Variants in SYNJ1 observed in about 807,000 individuals in gnomAD.
SYNJ1 encodes polyphosphatidylinositol phosphatase SYNJ1.
Under a neutral mutation model 168.2 loss-of-function variants are expected in SYNJ1, and 78 were observed. The ratio of observed to expected loss-of-function variants is 0.46; its 90% CI spans 0.39 to 0.56. The LOEUF (loss-of-function observed/expected upper bound fraction) is 0.56. Among genes scored for constraint, SYNJ1 ranks in the 20% least tolerant of loss-of-function variants. SYNJ1 has a pLI of 0.00. For synonymous variants in SYNJ1, 539 were observed against 548.6 expected, an observed-to-expected ratio of 0.98 and a Z score of 0.24; for missense variants, 1,303 against 1,597.6, an observed-to-expected ratio of 0.82 and a Z score of 3.14.
chr21:32,664,170 C>T (rs2040829102), intron 18 of SYNJ1, among the ~76,000 whole-genome samples: 4 of 152,234 alleles, frequency 2.6e-5, no homozygotes, highest in African/African-American at 9.6e-5. Context: ...AGCTTCATCA[C>T]TACCTTAGCT....
Position 32,634,870 on chromosome 21 carries a change from T to C in SYNJ1, c.3930A>G (p.Ser1310=), listed in dbSNP as rs1176812334. The change falls in exon 32 of 33, where the codon TCA becomes TCG. Residue 1310 remains serine (S), a synonymous_variant. Coordinates refer to ENST00000674351, the MANE Select transcript of SYNJ1 (RefSeq NM_203446.3). ...ATAAATTGTCAGATACCTGTTACCC[T>C]GATGGTTGCTCCTGCTTTGAGAAAG... ...ASSQPQQEQP[S]G 6.2e-7 allele frequency: 1 copy of C among 1,613,862 alleles called. No homozygotes were observed. Among genetic ancestry groups the C allele is most frequent in the Admixed American group, 1.7e-5 (1 of 60,024 alleles).
At position 32,699,868 on chromosome 21, in the gene SYNJ1, T is replaced by C; in HGVS notation, c.449A>G (p.Gln150Arg). 1 of 1,613,766 alleles carries C rather than the reference T, an allele frequency of 6.2e-7. No individual in the cohort carries two copies. Among genetic ancestry groups the C allele is most frequent in the Non-Finnish European group, 8.5e-7 (1 of 1,179,898 alleles). Residue 150 changes from glutamine to arginine, a missense_variant, in exon 4 of 33, where the codon CAA becomes CGA. Coordinates refer to ENST00000674351, the MANE Select transcript of SYNJ1 (RefSeq NM_203446.3). ...DLSLNAHRSMQEQTTDNRFFW... is the reference protein window; with the variant it reads ...DLSLNAHRSMREQTTDNRFFW... ...AAATCTATTATCAGTTGTCTGTTCTTGCATGCTACGATGCGCATTAAGACT... is the reference window on the plus strand; with the variant it reads ...AAATCTATTATCAGTTGTCTGTTCTCGCATGCTACGATGCGCATTAAGACT...
At chr21:32,647,810 T>C (rs1315745540) in intron 23 of SYNJ1, among the ~76,000 whole-genome samples, 1 of 152,216 alleles carries the variant, frequency 6.6e-6, no homozygotes. Context: ...TCCTGACAAC[T>C]GCAGTCACAT....
intron 31 of SYNJ1, among the ~76,000 whole-genome samples, chr21:32,637,873 A>G (rs531002532): frequency 3.9e-5 from 6 of 152,222 alleles, no homozygotes; most frequent in Non-Finnish European, 7.3e-5. Context: ...GTATTGAATC[A>G]TATTTACTTT....
intron 24 of SYNJ1, 138 bp downstream of exon 24, chr21:32,646,255 T>G: frequency 1.2e-6 from 1 of 812,014 alleles, no homozygotes; most frequent in Non-Finnish European, 2.0e-6. Flanking sequence ...GAGCTTATCA[T>G]CTACAAGTTT....
intron 8 of SYNJ1, 83 bp from the exon 9 acceptor site, chr21:32,686,000 A>T: frequency 7.1e-7 from 1 of 1,405,900 alleles, no homozygotes; most frequent in South Asian, 1.4e-5. Context: ...TTTCATTGAC[A>T]CTGGCAATAA....
chr21:32,695,703 C>T (rs1191466652), intron 4 of SYNJ1, among the ~76,000 whole-genome samples: 1 of 151,130 alleles, frequency 6.6e-6, no homozygotes, highest in African/African-American at 2.4e-5. Flanking sequence ...CGGAATGTTG[C>T]CCAGGCTGGA....
intron 8 of SYNJ1, among the ~76,000 whole-genome samples, chr21:32,686,425 AAC>A (rs1159987474): frequency 6.6e-6 from 1 of 152,206 alleles, no homozygotes; most frequent in Non-Finnish European, 1.5e-5. Context: ...AATCTTATGT[AAC>A]AACATAATTT....
In SYNJ1 at chr21:32,639,050, T is replaced by C; in HGVS notation, c.3773A>G (p.Gln1258Arg). 1.2e-6 allele frequency: 2 copies of C among 1,614,128 alleles called. No homozygotes were observed. Among genetic ancestry groups the C allele is most frequent in the Non-Finnish European group, 8.5e-7 (1 of 1,179,990 alleles). Residue 1258 changes from glutamine (Q) to arginine (R), a missense_variant, in exon 31 of 33, where the codon CAA becomes CGA. This residue lies in a region of SYNJ1 where 383 missense variants were observed against 388.8 expected (regional missense o/e 0.99). Coordinates refer to ENST00000674351, the MANE Select transcript of SYNJ1 (RefSeq NM_203446.3). ...PPQSSLPPPAQRLQEPLVPVA... is the reference protein window; with the variant it reads ...PPQSSLPPPARRLQEPLVPVA... ...AGGGACAAGAGGCTCTTGCAACCTTTGAGCAGGCGGGGGCAAAGAAGACTG... is the reference window on the plus strand; with the variant it reads ...AGGGACAAGAGGCTCTTGCAACCTTCGAGCAGGCGGGGGCAAAGAAGACTG...
At chr21:32,642,484 A>C (rs1440640052) in intron 27 of SYNJ1, among the ~76,000 whole-genome samples, 1 of 152,234 alleles carries the variant, frequency 6.6e-6, no homozygotes, top group Non-Finnish European at 1.5e-5. Flanking sequence ...AAGATGCGGC[A>C]CTGCTGCCCC....
At chr21:32,677,438 T>C (rs897616052) in intron 12 of SYNJ1, among the ~76,000 whole-genome samples, 2 of 152,142 alleles carry the variant, frequency 1.3e-5, no homozygotes, top group Non-Finnish European at 2.9e-5. Context: ...TTACTTATAG[T>C]AAAATGCGCA....
At chr21:32,706,042 C>T (rs947254828) in intron 2 of SYNJ1, among the ~76,000 whole-genome samples, 4 of 152,078 alleles carry the variant, frequency 2.6e-5, no homozygotes, top group Admixed American at 1.3e-4. Context: ...GTCAAAACTG[C>T]GAGCCACTTG....
intron 21 of SYNJ1, among the ~76,000 whole-genome samples, chr21:32,655,131 T>C (rs1201018361): frequency 6.6e-6 from 1 of 152,230 alleles, no homozygotes; most frequent in Non-Finnish European, 1.5e-5. Flanking sequence ...TTTAACAAGT[T>C]CTTTAGAGGT....
intron 14 of SYNJ1, among the ~76,000 whole-genome samples, chr21:32,671,359 TA>T (rs992101876): frequency 1.3e-5 from 2 of 151,472 alleles, no homozygotes; most frequent in Non-Finnish European, 1.5e-5. Flanking sequence ...ACACTGAAAT[TA>T]AAAAAAAATT....
chr21:32,653,493 G>T (rs1027964399), intron 21 of SYNJ1, 127 bp from the exon 22 acceptor site: 8 of 706,714 alleles, frequency 1.1e-5, no homozygotes, highest in Non-Finnish European at 1.9e-5. Context: ...AAAGGAGGGA[G>T]CGCAGGTAGG....
intron 32 of SYNJ1, among the ~76,000 whole-genome samples, chr21:32,634,547 C>G (rs1233109786): frequency 6.6e-6 from 1 of 152,022 alleles, no homozygotes; most frequent in Non-Finnish European, 1.5e-5. Flanking sequence ...AACCAAGAAC[C>G]GATCTGGTTT....
intron 25 of SYNJ1, 56 bp downstream of exon 25, chr21:32,645,590 T>G (rs1233476422): frequency 1.4e-6 from 2 of 1,463,068 alleles, no homozygotes; most frequent in Non-Finnish European, 1.8e-6. Context: ...GCAAAACATT[T>G]TAAAATAGAG....
chr21:32,646,500 C>A lies in SYNJ1; in HGVS notation c.3140G>T (p.Arg1047Leu). ...GLGTSPSSSP[R>L]TSPCQSPTIS... Reference sequence around the variant, plus strand: ...TGTAGGTGACTGGCAGGGACTAGTTCGGGGTGAAGAGCTGGGGGAAGTACC... The same window carrying A: ...TGTAGGTGACTGGCAGGGACTAGTTAGGGGTGAAGAGCTGGGGGAAGTACC... The change falls in exon 24 of 33, where the codon CGA (arginine) becomes CTA (leucine). Residue 1047 changes from arginine (R) to leucine (L), a missense_variant. This residue lies in a region of SYNJ1 where 383 missense variants were observed against 388.8 expected (regional missense o/e 0.99). Coordinates refer to ENST00000674351, the MANE Select transcript of SYNJ1 (RefSeq NM_203446.3). The A allele has an allele frequency of 1.9e-6, 3 of 1,613,982 alleles. No homozygotes were observed. The highest frequency in any genetic ancestry group is 2.5e-6 in the Non-Finnish European group (3 of 1,179,984).
chr21:32,666,673 A>G lies in SYNJ1; in HGVS notation c.1812-100T>C, dbSNP rs844998. 82,970 of 1,231,470 alleles carry G rather than the reference A, an allele frequency of 0.067. 3,328 individuals carry two copies. Among genetic ancestry groups the G allele is most frequent in the South Asian group, 0.15 (7,679 of 52,352 alleles). 76.3% of individuals were successfully genotyped at this position (1,231,470 alleles called of 1,614,324 possible). On this transcript the variant is annotated intron_variant, in intron 15 of 32. Coordinates refer to ENST00000674351, the MANE Select transcript of SYNJ1 (RefSeq NM_203446.3). ...ATACCTTTATCTACCCAAATATCCT[A>G]AGACTCTGAAGGAAGCTTAGGCTGT...
Sources: allele counts gnomAD v4.1 joint callset (sites outside exome capture counted in the v4.1 genomes callset), GRCh38; gene constraint gnomAD v4.1.1; regional missense constraint gnomAD v4.1.1; transcripts MANE v1.5; gene names NCBI Gene and HGNC (gene_info 2026-07-23, HGNC 2026-07-21).